PDE1A: variants seen among roughly 807,000 people sequenced by gnomAD.
PDE1A encodes dual specificity calcium/calmodulin-dependent 3',5'-cyclic nucleotide phosphodiesterase 1A.
In PDE1A, 35 loss-of-function variants were observed where a neutral mutation model predicts 61.7. That is an observed-to-expected ratio of 0.57 (90% confidence interval 0.43 to 0.75). The LOEUF (loss-of-function observed/expected upper bound fraction) is 0.75. Among genes scored for constraint, PDE1A ranks in the 30% least tolerant of loss-of-function variants. The pLI is 0.00. For synonymous variants in PDE1A, 232 were observed against 213.2 expected, an observed-to-expected ratio of 1.09 and a Z score of -0.77; for missense variants, 597 against 630.6, an observed-to-expected ratio of 0.95 and a Z score of 0.57.
downstream of PDE1A, among the ~76,000 whole-genome samples, chr2:182,164,580 T>C (rs1265088909): frequency 7.2e-5 from 11 of 152,074 alleles, no homozygotes; most frequent in African/African-American, 2.2e-4. Context: ...TCAGCTACCA[T>C]TGTCATTGCC....
At chr2:182,564,148 C>T in the PDE1A span, among the ~76,000 whole-genome samples, 47 of 152,086 alleles carry the variant, frequency 3.1e-4, no homozygotes, top group Non-Finnish European at 4.4e-5. Flanking sequence ...TCTTCCTAGC[C>T]TCGATGGTCT....
chr2:182,574,148 G>C, the PDE1A span, among the ~76,000 whole-genome samples: 1 of 151,912 alleles, frequency 6.6e-6, no homozygotes, highest in South Asian at 2.1e-4. Flanking sequence ...ACGGGAGAAA[G>C]ATGTAGGCTG....
intron 13 of PDE1A, among the ~76,000 whole-genome samples, chr2:182,169,928 A>ACACACACACACT (rs1162378858): frequency 6.8e-5 from 8 of 117,248 alleles, no homozygotes; most frequent in Non-Finnish European, 1.9e-5. Context: ...ACACGCACAC[A>ACACACACACACT]CACACACACA....
intron 2 of PDE1A, among the ~76,000 whole-genome samples, chr2:182,479,906 T>C (rs1203726056): frequency 1.3e-5 from 2 of 151,922 alleles, no homozygotes; most frequent in African/African-American, 4.8e-5. Context: ...ATGAATTCTG[T>C]CCTGTTGTCA....
chr2:182,376,918 C>T (rs190578976), intron 1 of PDE1A, among the ~76,000 whole-genome samples: 73 of 152,220 alleles, frequency 4.8e-4, no homozygotes, highest in Admixed American at 1.2e-3. Flanking sequence ...CATCAGATTT[C>T]GTGAGACTTA....
At chr2:182,707,190 T>C in the PDE1A span, among the ~76,000 whole-genome samples, 1 of 152,148 alleles carries the variant, frequency 6.6e-6, no homozygotes, top group Admixed American at 6.5e-5. Context: ...TAAATGTTTA[T>C]ACCAGAAAAG....
chr2:182,389,122 G>A (rs186219451), intron 1 of PDE1A, among the ~76,000 whole-genome samples: 1 of 152,124 alleles, frequency 6.6e-6, no homozygotes, highest in African/African-American at 2.4e-5. Context: ...ACTTTTGTAA[G>A]TAATGATACC....
At chr2:182,451,771 G>A (rs1048572190) in intron 2 of PDE1A, among the ~76,000 whole-genome samples, 4 of 152,118 alleles carry the variant, frequency 2.6e-5, no homozygotes, top group African/African-American at 7.2e-5. Context: ...GTGCAGTACC[G>A]CTTCCCATGC....
intron 1 of PDE1A, among the ~76,000 whole-genome samples, chr2:182,274,542 G>C (rs1030116653): frequency 3.9e-5 from 6 of 152,072 alleles, no homozygotes; most frequent in Non-Finnish European, 7.4e-5. Context: ...TCTCTTGAAA[G>C]GCCAATTTTT....
chr2:182,216,276 A>C (rs1427942399), intron 7 of PDE1A, among the ~76,000 whole-genome samples: 1 of 63,454 alleles, frequency 1.6e-5, no homozygotes, highest in Non-Finnish European at 3.2e-5. Flanking sequence ...TCAAAATAGT[A>C]AGAGCTATCT....
At chr2:182,683,054 T>C in the PDE1A span, among the ~76,000 whole-genome samples, 1 of 152,088 alleles carries the variant, frequency 6.6e-6, no homozygotes, top group Non-Finnish European at 1.5e-5. Flanking sequence ...CATTGGAATA[T>C]ATGAATTGCA....
chr2:182,471,835 G>A (rs1383386868), intron 2 of PDE1A, among the ~76,000 whole-genome samples: 2 of 151,630 alleles, frequency 1.3e-5, no homozygotes, highest in Non-Finnish European at 3.0e-5. Context: ...GGGACAGAAT[G>A]TATAAGGAAC....
At chr2:182,515,087 T>C (rs1217803850) in intron 2 of PDE1A, among the ~76,000 whole-genome samples, 2 of 152,214 alleles carry the variant, frequency 1.3e-5, no homozygotes, top group African/African-American at 4.8e-5. Flanking sequence ...GTATCATTCA[T>C]TAGCACTTCC....
the PDE1A span, among the ~76,000 whole-genome samples, chr2:182,651,460 T>C: frequency 7.2e-4 from 109 of 152,222 alleles, no homozygotes; most frequent in Non-Finnish European, 1.2e-3. Context: ...CCAAGAGAAA[T>C]CTCTTTGAAC....
chr2:182,502,452 C>T (rs1689140968), intron 2 of PDE1A, among the ~76,000 whole-genome samples: 1 of 152,138 alleles, frequency 6.6e-6, no homozygotes, highest in African/African-American at 2.4e-5. Context: ...CTCACTTATA[C>T]CAACTTTCAC....
chr2:182,448,659 A>T (rs1685299306), intron 2 of PDE1A, among the ~76,000 whole-genome samples: 1 of 152,094 alleles, frequency 6.6e-6, no homozygotes, highest in Non-Finnish European at 1.5e-5. Flanking sequence ...ATGCCAGCCA[A>T]TTTTCATCTA....
At chr2:182,704,987 A>AT in the PDE1A span, among the ~76,000 whole-genome samples, 2 of 152,102 alleles carry the variant, frequency 1.3e-5, no homozygotes, top group Admixed American at 6.6e-5. Flanking sequence ...TAAAAACAGT[A>AT]TTTTTTTTGA....
intron 1 of PDE1A, among the ~76,000 whole-genome samples, chr2:182,378,082 G>A (rs981633590): frequency 1.1e-4 from 16 of 152,064 alleles, no homozygotes; most frequent in Admixed American, 2.0e-4. Context: ...TCCTGACCTC[G>A]TGATCCACCC....
the PDE1A span, among the ~76,000 whole-genome samples, chr2:182,615,209 C>T: frequency 6.6e-6 from 1 of 152,166 alleles, no homozygotes; most frequent in Non-Finnish European, 1.5e-5. Context: ...CAGTGAAAGC[C>T]TCCTGAATAA....
Sources: gnomAD v4.1 joint callset for allele counts (sites outside exome capture counted in the v4.1 genomes callset) on GRCh38, gnomAD v4.1.1 for gene constraint, MANE v1.5 for transcripts, NCBI Gene and HGNC (gene_info 2026-07-23, HGNC 2026-07-21) for gene names.